Variants in TMC7 observed in about 807,000 individuals in gnomAD.
TMC7 encodes transmembrane channel-like protein 7.
In TMC7, 54 loss-of-function variants were observed where a neutral mutation model predicts 82.9. The ratio of observed to expected loss-of-function variants is 0.65; its 90% CI spans 0.52 to 0.82. TMC7 has a LOEUF of 0.82. TMC7 is among the 40% of genes least tolerant of loss of function. The probability of loss-of-function intolerance (pLI) is 0.00; values close to 1 mark genes in which losing one functional copy is unlikely to be tolerated. For synonymous variants in TMC7, 350 were observed against 337.9 expected, an observed-to-expected ratio of 1.04 and a Z score of -0.39; for missense variants, 820 against 901.2, an observed-to-expected ratio of 0.91 and a Z score of 1.15.
chr16:19,027,578 C>T (rs1239465898), intron 5 of TMC7, among the ~76,000 whole-genome samples: 2 of 152,120 alleles, frequency 1.3e-5, no homozygotes, highest in African/African-American at 2.4e-5. Context: ...CGACCTTTCC[C>T]CTGTAATTGT....
rs573738014 is a variant in TMC7, at chr16:19,010,957, A to G, written c.311+1542A>G. Among the ~76,000 whole-genome samples, 5 of 152,210 alleles carry G rather than the reference A, an allele frequency of 3.3e-5. No homozygotes were observed. The South Asian group carries it at 1.0e-3, about 32-fold the overall frequency. ...TTAAAACCAGCTCAGCTTCCCTCCT[A>G]CTGCAGTCTGTGGTCTAACAAGATC... On this transcript the variant is annotated intron_variant, in intron 2 of 15. Coordinates refer to ENST00000304381, the MANE Select transcript of TMC7 (RefSeq NM_024847.4).
chr16:19,028,449 A>G (rs1337678447), intron 5 of TMC7, among the ~76,000 whole-genome samples: 2 of 152,082 alleles, frequency 1.3e-5, no homozygotes, highest in African/African-American at 4.8e-5. Context: ...CTTCTTCTTC[A>G]AAGTTGTTTT....
chr16:19,054,491 G>A (rs915544396), intron 13 of TMC7, among the ~76,000 whole-genome samples: 16 of 152,092 alleles, frequency 1.1e-4, no homozygotes, highest in African/African-American at 3.6e-4. Context: ...CAAGGAGGGC[G>A]GATCACCTGA....
chr16:19,058,910 C>T (rs1297969947), intron 14 of TMC7, among the ~76,000 whole-genome samples: 1 of 152,070 alleles, frequency 6.6e-6, no homozygotes. Flanking sequence ...CGGAGGCTTG[C>T]TCTGCCGCCC....
intron 12 of TMC7, among the ~76,000 whole-genome samples, chr16:19,049,348 G>C (rs951426630): frequency 6.6e-6 from 1 of 152,100 alleles, no homozygotes; most frequent in South Asian, 2.1e-4. Flanking sequence ...TATAAATTAG[G>C]AAGCTGAAGT....
At chr16:19,047,892 G>A (rs1420204236) in intron 12 of TMC7, among the ~76,000 whole-genome samples, 2 of 148,584 alleles carry the variant, frequency 1.3e-5, no homozygotes, top group East Asian at 2.0e-4. Flanking sequence ...GTAGAGACGG[G>A]GTTTCACCAT....
At chr16:19,049,749 G>C (rs913708483) in intron 12 of TMC7, 3 of 725,376 alleles carry the variant, frequency 4.1e-6, no homozygotes, top group Admixed American at 6.3e-5. Flanking sequence ...CCGAGGCTGG[G>C]CACCAAGTAT....
At chr16:18,995,062 C>G (rs1019652537) in intron 1 of TMC7, among the ~76,000 whole-genome samples, 1 of 151,888 alleles carries the variant, frequency 6.6e-6, no homozygotes, top group African/African-American at 2.4e-5. Context: ...GGCTGTAGCC[C>G]AGGAATAGTC....
At chr16:19,028,361 C>A (rs919550536) in intron 5 of TMC7, among the ~76,000 whole-genome samples, 2 of 148,398 alleles carry the variant, frequency 1.3e-5, no homozygotes, top group African/African-American at 2.5e-5. Flanking sequence ...ATGGCGAGAC[C>A]ATATCTCTAC....
At chr16:19,007,514 C>T (rs529733260) in intron 1 of TMC7, among the ~76,000 whole-genome samples, 1 of 152,296 alleles carries the variant, frequency 6.6e-6, no homozygotes, top group Non-Finnish European at 1.5e-5. Context: ...GGCCTTTCCA[C>T]TTATGGGTTC....
At chr16:19,034,675 G>A (rs1353754558) in intron 6 of TMC7, among the ~76,000 whole-genome samples, 1 of 152,058 alleles carries the variant, frequency 6.6e-6, no homozygotes, top group Non-Finnish European at 1.5e-5. Flanking sequence ...AGCCTTAGAT[G>A]GGGAGGTGAG....
chr16:19,014,333 G>T (rs1178998231), intron 2 of TMC7, among the ~76,000 whole-genome samples: 2 of 152,122 alleles, frequency 1.3e-5, no homozygotes, highest in Admixed American at 1.3e-4. Flanking sequence ...ACCATTGCCT[G>T]ATGTTCCTTG....
chr16:19,062,734 C>T lies in TMC7; in HGVS notation c.*891C>T, dbSNP rs1205785980. 1 of 152,618 alleles carries T rather than the reference C, an allele frequency of 6.6e-6. No individual in the cohort carries two copies. Among genetic ancestry groups the T allele is most frequent in the Non-Finnish European group, 1.5e-5 (1 of 68,032 alleles). The allele number at this position is 152,618 out of a possible 1,614,324, so 9.5% of individuals were successfully genotyped here. A position where few individuals can be genotyped will look rare whatever the true frequency, so the allele number is the denominator to read the frequency against. Reference sequence around the variant, plus strand: ...AAATTGATAGATGTCAACCTTTTAACAGAAGAACAGAAGTTTAAGTTATTG... The same window carrying T: ...AAATTGATAGATGTCAACCTTTTAATAGAAGAACAGAAGTTTAAGTTATTG... On this transcript the variant is annotated 3_prime_UTR_variant, in exon 16 of 16. Transcript: ENST00000304381.
At chr16:19,021,048 T>A (rs1959949189) in intron 3 of TMC7, among the ~76,000 whole-genome samples, 1 of 152,148 alleles carries the variant, frequency 6.6e-6, no homozygotes, top group South Asian at 2.1e-4. Context: ...TCTCCTCAAA[T>A]TGACCTGTAT....
rs369239891 is a variant in TMC7 at position 19,040,339 on chromosome 16, G to A, written c.1230G>A (p.Pro410=). ...FGENLFILYL[P]SIVITLANFI... is the part of the protein sequence containing the mutation. ...AGAACCTCTTCATATTGTATCTACC[G>A]TCTATTGTGATCACGCTGGCCAATT... Residue 410 remains proline, a synonymous_variant, in exon 9 of 16, where the codon CCG becomes CCA. Coordinates refer to ENST00000304381, the MANE Select transcript of TMC7 (RefSeq NM_024847.4). 1.5e-5 allele frequency: 24 copies of A among 1,613,882 alleles called. No homozygotes were observed. Among genetic ancestry groups the A allele is most frequent in the East Asian group, 2.2e-5 (1 of 44,862 alleles).
intron 13 of TMC7, among the ~76,000 whole-genome samples, chr16:19,054,140 C>T (rs1447143900): frequency 6.6e-6 from 1 of 152,070 alleles, no homozygotes; most frequent in East Asian, 1.9e-4. Flanking sequence ...TATACACAGA[C>T]CTTTGTGATG....
intron 1 of TMC7, among the ~76,000 whole-genome samples, chr16:18,994,015 G>A (rs1436023225): frequency 6.6e-6 from 1 of 152,020 alleles, no homozygotes; most frequent in Admixed American, 6.6e-5. Context: ...AGAAATATGG[G>A]GAAATGAAGT....
At chr16:18,994,280 G>T (rs924904306) in intron 1 of TMC7, among the ~76,000 whole-genome samples, 1 of 147,324 alleles carries the variant, frequency 6.8e-6, no homozygotes, top group African/African-American at 2.7e-5. Context: ...GCCTCTAAAA[G>T]TATTAAAGCA....
At chr16:19,035,857 C>T in intron 7 of TMC7, 34 bp downstream of exon 7, 2 of 1,537,252 alleles carry the variant, frequency 1.3e-6, no homozygotes, top group South Asian at 1.3e-5. Context: ...TGGTGGGGTC[C>T]TCACCAGCAA....
Sources: gnomAD v4.1 joint callset for allele counts (sites outside exome capture counted in the v4.1 genomes callset) on GRCh38, gnomAD v4.1.1 for gene constraint, MANE v1.5 for transcripts, NCBI Gene and HGNC (gene_info 2026-07-23, HGNC 2026-07-21) for gene names.